GBF1: variants seen among roughly 807,000 people sequenced by gnomAD.
GBF1 encodes the protein golgi brefeldin A resistant guanine nucleotide exchange factor 1.
Under a neutral mutation model 210.5 loss-of-function variants are expected in GBF1, and 114 were observed. That is an observed-to-expected ratio of 0.54 (90% CI 0.47 to 0.63). The LOEUF is 0.63. Among genes scored for constraint, GBF1 ranks in the 30% least tolerant of loss-of-function variants. The pLI is 0.00. For synonymous variants in GBF1, 850 were observed against 889.2 expected, an observed-to-expected ratio of 0.96 and a Z score of 0.78; for missense variants, 1,851 against 2,357.7, an observed-to-expected ratio of 0.79 and a Z score of 4.45.
intron 3 of GBF1, among the ~76,000 whole-genome samples, chr10:102,308,976 A>T (rs1363930692): frequency 4.6e-5 from 7 of 152,208 alleles, no homozygotes; most frequent in Admixed American, 4.6e-4. Flanking sequence ...TGGTTTAAGA[A>T]GTTAGAATAA....
intron 26 of GBF1, 63 bp from the exon 27 acceptor site, chr10:102,370,111 T>C: frequency 1.3e-6 from 2 of 1,504,072 alleles, no homozygotes; most frequent in Non-Finnish European, 1.9e-6. Context: ...CCCCTGGCTC[T>C]TGGGGACATT....
chr10:102,318,738 T>C (rs1010968314), intron 3 of GBF1, among the ~76,000 whole-genome samples: 1 of 152,192 alleles, frequency 6.6e-6, no homozygotes, highest in Non-Finnish European at 1.5e-5. Context: ...TTCTTTTCTA[T>C]TTCTAAATAA....
the GBF1 span, among the ~76,000 whole-genome samples, chr10:102,237,150 A>T: frequency 2.0e-5 from 3 of 152,162 alleles, no homozygotes; most frequent in African/African-American, 4.8e-5. Flanking sequence ...CAGAGACCCT[A>T]TCTTGTAGGA....
rs758256403 is a variant in GBF1 at position 102,358,702 on chromosome 10, A to G, written c.984A>G (p.Leu328=). The G allele has an allele frequency of 1.3e-5, 21 of 1,613,586 alleles. No homozygotes were observed. In the South Asian group the frequency reaches 1.3e-4, roughly 10 times the overall value. The change falls in exon 10 of 40, where the codon CTA becomes CTG. Residue 328 remains leucine, a synonymous_variant. Transcript: ENST00000369983. ...CTACAGAGCCTGGAAGCAGTGAGCT[A>G]GGTGTTCCCGAGCAGCCTGACCTCC... ...STATEPGSSE[L]GVPEQPDLQQ... is the part of the protein sequence containing the mutation.
At chr10:102,238,179 T>A in the GBF1 span, among the ~76,000 whole-genome samples, 2 of 152,180 alleles carry the variant, frequency 1.3e-5, no homozygotes, top group African/African-American at 4.8e-5. Flanking sequence ...ATCATTCTTT[T>A]CATGAGTCCC....
chr10:102,272,681 A>C (rs1312795548), intron 3 of GBF1, among the ~76,000 whole-genome samples: 1 of 152,216 alleles, frequency 6.6e-6, no homozygotes, highest in Non-Finnish European at 1.5e-5. Context: ...TCTGTAAAGA[A>C]CTATTTTCCC....
At chr10:102,231,718 C>T in the GBF1 span, 1 of 1,609,930 alleles carries the variant, frequency 6.2e-7, no homozygotes, top group African/African-American at 1.3e-5. Flanking sequence ...CGTGCGCTGC[C>T]GCCGCTGCTT....
intron 3 of GBF1, among the ~76,000 whole-genome samples, chr10:102,309,767 A>G (rs1030743857): frequency 5.9e-5 from 9 of 152,166 alleles, no homozygotes; most frequent in African/African-American, 1.9e-4. Context: ...TTGTAGAATG[A>G]AAGGTAAGAT....
In GBF1 at chr10:102,376,791, C is replaced by A; in HGVS notation, c.4279C>A (p.Leu1427Met). Reference sequence around the variant, plus strand: ...TCTCCGGATCTTTGTGGAGGCCAGTCTGAATGGCGGTGGGTCAGCTGATGA... The same window carrying A: ...TCTCCGGATCTTTGTGGAGGCCAGTATGAATGGCGGTGGGTCAGCTGATGA... ...KTLRIFVEAS[L>M]NGGCKSQEKR... is the part of the protein sequence containing the mutation. The change falls in exon 32 of 40, where the codon CTG (leucine) becomes ATG (methionine). Residue 1427 changes from leucine (L) to methionine (M), a missense_variant. Physicochemically the swap from Leu to Met is conservative, Grantham distance 15. Around this residue, in one of 3 missense-constraint regions of GBF1, gnomAD observed 967 missense variants for 1,247.7 expected, o/e 0.78. Transcript: ENST00000369983. The A allele has an allele frequency of 1.2e-6, 2 of 1,608,958 alleles. No homozygotes were observed. Among genetic ancestry groups the A allele is most frequent in the Non-Finnish European group, 1.7e-6 (2 of 1,179,930 alleles).
chr10:102,361,560 G>T (rs570363171), intron 13 of GBF1, among the ~76,000 whole-genome samples, 158 bp from the exon 14 acceptor site: 1 of 152,362 alleles, frequency 6.6e-6, no homozygotes, highest in Admixed American at 6.5e-5. Context: ...GGCCAAAGAA[G>T]AGATATATTT....
At chr10:102,365,640 G>GCCACCATACC in intron 18 of GBF1, 41 bp downstream of exon 18, 2 of 1,522,464 alleles carry the variant, frequency 1.3e-6, no homozygotes, top group Non-Finnish European at 1.8e-6. Context: ...GCCAGGTATG[G>GCCACCATACC]TGGCTCATGC....
chr10:102,378,613 GCA>G (rs1251757042), intron 33 of GBF1, among the ~76,000 whole-genome samples: 2 of 152,002 alleles, frequency 1.3e-5, no homozygotes, highest in African/African-American at 4.8e-5. Flanking sequence ...CTCCAGTTTT[GCA>G]CAGAGCAAGA....
intron 3 of GBF1, among the ~76,000 whole-genome samples, chr10:102,275,366 C>T (rs1464468778): frequency 6.6e-6 from 1 of 152,150 alleles, no homozygotes; most frequent in Admixed American, 6.5e-5. Context: ...ATCAATAGGA[C>T]ATTTCATCAT....
At chr10:102,336,568 T>C (rs1377714973) in intron 3 of GBF1, among the ~76,000 whole-genome samples, 1 of 152,172 alleles carries the variant, frequency 6.6e-6, no homozygotes, top group Non-Finnish European at 1.5e-5. Context: ...TTTATTTAAA[T>C]TATCTAATAC....
chr10:102,370,974 T>C, intron 29 of GBF1, 114 bp downstream of exon 29: 2 of 1,007,600 alleles, frequency 2.0e-6, no homozygotes, highest in Non-Finnish European at 3.0e-6. Flanking sequence ...ATAGCATGAG[T>C]CCAGTGACCA....
intron 3 of GBF1, among the ~76,000 whole-genome samples, chr10:102,288,839 G>A (rs994609324): frequency 6.6e-6 from 1 of 151,316 alleles, no homozygotes; most frequent in Admixed American, 6.6e-5. Flanking sequence ...GGTGGCTCAC[G>A]CCTGTAATTG....
At chr10:102,241,769 CG>C (rs1405174283), upstream of GBF1, among the ~76,000 whole-genome samples, 2 of 152,260 alleles carry the variant, frequency 1.3e-5, no homozygotes, top group Non-Finnish European at 2.9e-5. This position sits in a 1 kb window ranked among gnomAD's most constrained non-coding sequence, Gnocchi z 6.7. Flanking sequence ...GACCGCGCTC[CG>C]GCTAGGACGC....
chr10:102,344,759 T>C lies in GBF1; in HGVS notation c.295+577T>C, dbSNP rs1307503747. ...CCTCCCAAAGTGCTGGGATTACAGG[T>C]GTGAGCCACTGTGCCTGGCCTGGTT... On this transcript the variant is annotated intron_variant, in intron 4 of 39. Transcript: ENST00000369983. Among the ~76,000 whole-genome samples the C allele has an allele frequency of 2.0e-5, 3 of 152,150 alleles. 1 individual carries two copies. The highest frequency in any genetic ancestry group is 4.8e-5 in the African/African-American group (2 of 41,528).
Position 102,370,856 on chromosome 10 carries a change from C to T in GBF1, c.3656C>T (p.Ala1219Val), listed in dbSNP as rs2060168465. The change falls in exon 29 of 40, where the codon GCT becomes GTT. Residue 1219 changes from alanine (A) to valine (V), a missense_variant. Physicochemically the swap from Ala to Val is moderately conservative, Grantham distance 64. Around this residue, in one of 3 missense-constraint regions of GBF1, gnomAD observed 967 missense variants for 1,247.7 expected, o/e 0.78. Transcript: ENST00000369983. ...CTTCTCCGGAGAGAAGAGATCAGTG[C>T]TCAGGTAAGCAGAATGCATCTTGGA... ...IRLLRREEISAQVLLSLRILL... is the reference protein window; with the variant it reads ...IRLLRREEISVQVLLSLRILL... 1.2e-6 allele frequency: 2 copies of T among 1,613,998 alleles called. No individual in the cohort carries two copies. Among genetic ancestry groups the T allele is most frequent in the East Asian group, 2.2e-5 (1 of 44,890 alleles).
Sources: gnomAD v4.1 joint callset for allele counts (sites outside exome capture counted in the v4.1 genomes callset) on GRCh38, gnomAD v4.1.1 for gene constraint, gnomAD v4.1.1 regional missense constraint, Gnocchi (gnomAD v3.1) non-coding constraint, MANE v1.5 for transcripts, NCBI Gene and HGNC (gene_info 2026-07-23, HGNC 2026-07-21) for gene names.